STIM1: variants seen among roughly 807,000 people sequenced by gnomAD.
The protein encoded by STIM1 is stromal interaction molecule 1.
Under a neutral mutation model 74.7 loss-of-function variants are expected in STIM1, and 25 were observed. The ratio of observed to expected loss-of-function variants is 0.33; its 90% CI spans 0.24 to 0.47. The LOEUF is 0.47. STIM1 is among the 20% of genes least tolerant of loss of function. The pLI is 1.00. For synonymous variants in STIM1, 328 were observed against 348.8 expected (o/e 0.94, Z 0.66); for missense variants, 728 against 920.8 (o/e 0.79, Z 2.71).
rs538018562 is a variant in STIM1 at position 3,891,093 on chromosome 11, C to T, written c.139+34684C>T. 5.3e-5 allele frequency among the ~76,000 whole-genome samples: 8 copies of T among 152,228 alleles called. No homozygotes were observed. The East Asian group carries it at 7.7e-4, about 15-fold the overall frequency. Reference sequence around the variant, plus strand: ...AAATGTATGTTGAATACTTATATGTCAGGTACAATTACATATTTATTTAAT... The same window carrying T: ...AAATGTATGTTGAATACTTATATGTTAGGTACAATTACATATTTATTTAAT... On this transcript the variant is annotated intron_variant, in intron 1 of 12. Coordinates refer to ENST00000526596, the MANE Select transcript of STIM1 (RefSeq NM_001382567.1).
intron 1 of STIM1, among the ~76,000 whole-genome samples, chr11:3,935,879 A>G (rs544127328): frequency 6.6e-6 from 1 of 152,236 alleles, no homozygotes; most frequent in Non-Finnish European, 1.5e-5. Context: ...TAACTACATT[A>G]TACATAGGTA....
chr11:3,980,215 C>G (rs1004047431), intron 2 of STIM1, among the ~76,000 whole-genome samples: 6 of 152,154 alleles, frequency 3.9e-5, no homozygotes, highest in African/African-American at 1.4e-4. Flanking sequence ...TAATCCTTAA[C>G]CACTCTGTGA....
At chr11:4,033,433 A>AT in intron 3 of STIM1, among the ~76,000 whole-genome samples, 1 of 152,076 alleles carries the variant, frequency 6.6e-6, no homozygotes, top group Non-Finnish European at 1.5e-5. Flanking sequence ...ATTTCATCAC[A>AT]TTTTTTTCCA....
intron 2 of STIM1, among the ~76,000 whole-genome samples, chr11:3,995,587 A>G (rs1330167411): frequency 2.0e-5 from 3 of 152,088 alleles, no homozygotes; most frequent in Admixed American, 2.0e-4. Context: ...GACTAATCCA[A>G]CTATATTAGG....
intron 1 of STIM1, chr11:3,961,415 C>A: frequency 9.0e-6 from 2 of 221,642 alleles, no homozygotes; most frequent in South Asian, 1.5e-4. Flanking sequence ...ATTGAGTGTT[C>A]AGGAATGCTA....
chr11:4,033,710 C>G (rs942285340), intron 3 of STIM1, among the ~76,000 whole-genome samples: 2 of 151,920 alleles, frequency 1.3e-5, no homozygotes, highest in South Asian at 2.1e-4. Flanking sequence ...ATTCTCCCGC[C>G]TCAGCCTCCC....
chr11:3,874,379 A>G (rs1165044786), intron 1 of STIM1, among the ~76,000 whole-genome samples: 2 of 152,220 alleles, frequency 1.3e-5, no homozygotes, highest in African/African-American at 4.8e-5. Flanking sequence ...CATTTGCCAG[A>G]TCAGGGCTAG....
intron 1 of STIM1, among the ~76,000 whole-genome samples, chr11:3,886,214 A>C (rs1405520738): frequency 1.3e-5 from 2 of 152,206 alleles, no homozygotes; most frequent in African/African-American, 2.4e-5. Context: ...TTCACTGGGA[A>C]CCCAATGATA....
chr11:3,926,380 A>G (rs1416439293), intron 1 of STIM1, among the ~76,000 whole-genome samples: 3 of 152,228 alleles, frequency 2.0e-5, no homozygotes, highest in Admixed American at 6.5e-5. Flanking sequence ...TAACATTGGT[A>G]AAGCATAATT....
At chr11:4,048,040 C>T (rs180921762) in intron 3 of STIM1, among the ~76,000 whole-genome samples, 33 of 152,170 alleles carry the variant, frequency 2.2e-4, no homozygotes, top group African/African-American at 7.5e-4. Flanking sequence ...AGGATGATCT[C>T]GATCCCCTGA....
chr11:3,942,777 C>T (rs988557306), intron 1 of STIM1, among the ~76,000 whole-genome samples: 6 of 152,160 alleles, frequency 3.9e-5, no homozygotes, highest in African/African-American at 1.4e-4. Flanking sequence ...CTTTAAGTCT[C>T]ATGTCTTAAG....
chr11:4,028,057 T>C (rs185951736), intron 3 of STIM1, among the ~76,000 whole-genome samples: 185 of 152,312 alleles, frequency 1.2e-3, no homozygotes, highest in Admixed American at 2.6e-3. Context: ...GGACACTAGA[T>C]TTTAAATGAT....
intron 5 of STIM1, among the ~76,000 whole-genome samples, chr11:4,060,854 G>A (rs1016615989): frequency 1.3e-5 from 2 of 152,212 alleles, no homozygotes; most frequent in Non-Finnish European, 2.9e-5. Flanking sequence ...AAACTAGGGA[G>A]GAGTTTCCTA....
At chr11:3,987,743 A>G (rs1021125486) in intron 2 of STIM1, among the ~76,000 whole-genome samples, 6 of 151,436 alleles carry the variant, frequency 4.0e-5, no homozygotes, top group African/African-American at 1.5e-4. Flanking sequence ...CAATGCCTGC[A>G]CTATTCTTCT....
intron 2 of STIM1, among the ~76,000 whole-genome samples, chr11:3,980,031 G>A (rs920563235): frequency 2.0e-5 from 3 of 151,912 alleles, no homozygotes; most frequent in South Asian, 2.1e-4. Flanking sequence ...AGTCTCTATC[G>A]CTCGATTTAG....
At chr11:3,956,879 A>G (rs2093221571) in intron 1 of STIM1, among the ~76,000 whole-genome samples, 1 of 149,286 alleles carries the variant, frequency 6.7e-6, no homozygotes, top group African/African-American at 2.4e-5. Context: ...TACCTTGCAA[A>G]TTAGGGAAAG....
chr11:3,890,459 CAG>C (rs1215215445), intron 1 of STIM1, among the ~76,000 whole-genome samples: 2 of 152,216 alleles, frequency 1.3e-5, no homozygotes, highest in Non-Finnish European at 2.9e-5. Context: ...GTAGCACTGA[CAG>C]AGACTCATGG....
At chr11:3,876,753 A>C (rs1324623041) in intron 1 of STIM1, among the ~76,000 whole-genome samples, 1 of 152,192 alleles carries the variant, frequency 6.6e-6, no homozygotes, top group Admixed American at 6.6e-5. Flanking sequence ...AGAAATACTG[A>C]TATCTACCTA....
chr11:3,985,140 C>T (rs866303811), intron 2 of STIM1, among the ~76,000 whole-genome samples: 2 of 152,072 alleles, frequency 1.3e-5, no homozygotes, highest in Non-Finnish European at 2.9e-5. Flanking sequence ...CAGGAAAACC[C>T]GACGGTGGCT....
Sources: allele counts gnomAD v4.1 joint callset (sites outside exome capture counted in the v4.1 genomes callset), GRCh38; gene constraint gnomAD v4.1.1; transcripts MANE v1.5; gene names NCBI Gene and HGNC (gene_info 2026-07-23, HGNC 2026-07-21).